SIMC1: variants seen among roughly 807,000 people sequenced by gnomAD.
SIMC1 encodes the protein SUMO-interacting motif-containing protein 1.
A neutral mutation model predicts 82.3 loss-of-function variants in SIMC1; 55 were observed. The ratio of observed to expected loss-of-function variants is 0.67; its 90% CI spans 0.54 to 0.84. The LOEUF is 0.84. Among genes scored for constraint, SIMC1 ranks in the 40% least tolerant of loss-of-function variants. SIMC1 has a pLI of 0.00. For missense variants in SIMC1, 915 were observed against 1,107.2 expected, an observed-to-expected ratio of 0.83 and a Z score of 2.46; for synonymous variants, 353 against 426.3, an observed-to-expected ratio of 0.83 and a Z score of 2.12.
chr5:176,258,346 T>C (rs1449406661), intron 1 of SIMC1, among the ~76,000 whole-genome samples: 1 of 151,168 alleles, frequency 6.6e-6, no homozygotes, highest in Non-Finnish European at 1.5e-5. Context: ...GAAACTAAGG[T>C]AGCTTCAACC....
intron 1 of SIMC1, among the ~76,000 whole-genome samples, chr5:176,275,029 T>C (rs377002649): frequency 0.017 from 2,636 of 151,884 alleles, 90 homozygotes; most frequent in African/African-American, 0.059. Context: ...ATTGGTAGCT[T>C]GATGGGGATG....
chr5:176,283,067 T>C (rs4868626), intron 1 of SIMC1, among the ~76,000 whole-genome samples: 113,200 of 152,078 alleles, frequency 0.74, 42,291 homozygotes, highest in Middle Eastern at 0.85. Context: ...CTGAAAGTGA[T>C]GGGGAGAATG....
chr5:176,251,783 C>CT (rs1277354380), intron 1 of SIMC1, among the ~76,000 whole-genome samples: 4 of 150,608 alleles, frequency 2.7e-5, no homozygotes, highest in Admixed American at 2.0e-4. Flanking sequence ...GGTGATGACT[C>CT]TTAACGAGCA....
In SIMC1 at chr5:176,319,108, CA is replaced by C. The variant is rs570210788; in HGVS notation, c.1890-3164del. Among the ~76,000 whole-genome samples, 1,255 of 152,126 alleles carry C rather than the reference CA, an allele frequency of 8.2e-3. 62 individuals carry two copies. Among genetic ancestry groups the C allele is most frequent in the Admixed American group, 0.071 (1,085 of 15,258 alleles). On this transcript the variant is annotated intron_variant, in intron 5 of 9. Transcript: ENST00000429602. The stretch of plus-strand genomic sequence containing the variant: ...TGGGTGTCAGAGCAAGACCCTGTCT[CA>C]GGGGGAAAAAAAGAAGTCATAAGCT...
At chr5:176,337,561 T>C (rs1487687709) in intron 9 of SIMC1, among the ~76,000 whole-genome samples, 1 of 152,112 alleles carries the variant, frequency 6.6e-6, no homozygotes, top group Non-Finnish European at 1.5e-5. Flanking sequence ...GCCACTGCAT[T>C]CCAGCCTGGG....
intron 1 of SIMC1, among the ~76,000 whole-genome samples, chr5:176,273,884 T>A (rs1479830232): frequency 6.6e-6 from 1 of 152,066 alleles, no homozygotes; most frequent in Non-Finnish European, 1.5e-5. Flanking sequence ...TGTGCCACAT[T>A]TTCTTAATCC....
intron 1 of SIMC1, among the ~76,000 whole-genome samples, chr5:176,287,508 A>G (rs551574266): frequency 6.6e-6 from 1 of 152,278 alleles, no homozygotes; most frequent in East Asian, 1.9e-4. Context: ...GAGGGATAGC[A>G]TTAGGAGATA....
At chr5:176,307,506 T>G (rs60107378) in intron 4 of SIMC1, among the ~76,000 whole-genome samples, 88,983 of 151,994 alleles carry the variant, frequency 0.59, 26,152 homozygotes, top group Middle Eastern at 0.63. Flanking sequence ...GTTCACACCA[T>G]GCTCCTGCCT....
intron 1 of SIMC1, among the ~76,000 whole-genome samples, chr5:176,277,437 A>G (rs1233008067): frequency 6.6e-6 from 1 of 151,720 alleles, no homozygotes; most frequent in East Asian, 1.9e-4. Context: ...TGCTGTGCAG[A>G]AGCTCTTTAG....
chr5:176,329,198 G>A (rs1364833272), intron 7 of SIMC1, among the ~76,000 whole-genome samples: 2 of 152,110 alleles, frequency 1.3e-5, no homozygotes, highest in African/African-American at 2.4e-5. Context: ...CTGGCCGGGC[G>A]CGGGGGCTCA....
chr5:176,257,382 CAA>C (rs202160727), intron 1 of SIMC1, among the ~76,000 whole-genome samples: 3,201 of 152,148 alleles, frequency 0.021, 49 homozygotes, highest in Middle Eastern at 0.068. Context: ...CTCACAGTTC[CAA>C]AGACTGTACA....
At chr5:176,305,437 C>T (rs796258002) in intron 4 of SIMC1, among the ~76,000 whole-genome samples, 5 of 15,346 alleles carry the variant, frequency 3.3e-4, no homozygotes, top group African/African-American at 1.2e-3. Context: ...CCAGCCGCCC[C>T]GTCTGGGAGG....
At chr5:176,333,089 A>G (rs978622507) in intron 7 of SIMC1, among the ~76,000 whole-genome samples, 1 of 152,186 alleles carries the variant, frequency 6.6e-6, no homozygotes, top group African/African-American at 2.4e-5. Flanking sequence ...AGATCACTTG[A>G]TGTCAGGAGT....
At chr5:176,253,255 T>C (rs1305721700) in intron 1 of SIMC1, among the ~76,000 whole-genome samples, 5 of 152,226 alleles carry the variant, frequency 3.3e-5, no homozygotes, top group Non-Finnish European at 7.4e-5. Context: ...TCTGATGGGC[T>C]TCCCTTTGTG....
intron 1 of SIMC1, among the ~76,000 whole-genome samples, chr5:176,261,513 G>A (rs1319850909): frequency 2.6e-5 from 4 of 152,120 alleles, no homozygotes; most frequent in South Asian, 2.1e-4. Context: ...TTGGAAGGCC[G>A]AGGCAGGTGG....
At chr5:176,333,282 C>T (rs532478915) in intron 7 of SIMC1, among the ~76,000 whole-genome samples, 4 of 151,406 alleles carry the variant, frequency 2.6e-5, no homozygotes, top group African/African-American at 9.7e-5. Flanking sequence ...CCAGCCTGGG[C>T]GACAGAGCAA....
At chr5:176,252,188 G>A (rs912043026) in intron 1 of SIMC1, among the ~76,000 whole-genome samples, 11 of 146,154 alleles carry the variant, frequency 7.5e-5, no homozygotes, top group Admixed American at 4.7e-4. Context: ...CCTCCCGGAC[G>A]GGGCGGCTGG....
chr5:176,247,186 T>C (rs1040831607), intron 1 of SIMC1, among the ~76,000 whole-genome samples: 1 of 152,196 alleles, frequency 6.6e-6, no homozygotes, highest in Non-Finnish European at 1.5e-5. Context: ...ATCACCACAC[T>C]GTCTTCCACA....
At chr5:176,272,081 G>A (rs973159598) in intron 1 of SIMC1, among the ~76,000 whole-genome samples, 1 of 143,170 alleles carries the variant, frequency 7.0e-6, no homozygotes, top group Non-Finnish European at 1.5e-5. Context: ...AGTGGCTCAC[G>A]CTGGTCATCC....
Sources: allele counts gnomAD v4.1 joint callset (sites outside exome capture counted in the v4.1 genomes callset), GRCh38; gene constraint gnomAD v4.1.1; transcripts MANE v1.5; gene names NCBI Gene and HGNC (gene_info 2026-07-23, HGNC 2026-07-21).